Variants in SLC11A2 observed in about 807,000 individuals in gnomAD.
SLC11A2 encodes the protein solute carrier family 11 member 2.
A neutral mutation model predicts 68.0 loss-of-function variants in SLC11A2; 38 were observed. The ratio of observed to expected loss-of-function variants is 0.56; its 90% confidence interval spans 0.43 to 0.73. SLC11A2 has a LOEUF of 0.73. SLC11A2 is among the 30% of genes least tolerant of loss of function. The pLI, the probability that SLC11A2 is intolerant of heterozygous loss-of-function variation, is 0.00. For missense variants in SLC11A2, 517 were observed against 690.5 expected (o/e 0.75, Z 2.82); for synonymous variants, 242 against 250.6 (o/e 0.97, Z 0.32).
rs1293436122 is a variant in SLC11A2 at position 50,995,806 on chromosome 12, C to A, written c.832-19G>T. On this transcript the variant is annotated intron_variant, in intron 9 of 15. Transcript: ENST00000262052. ...GTCTAGACTAGAAAGATAACAACAG[C>A]AGTCACTTTTTGACCAGTTAGAACA... The A allele has an allele frequency of 1.2e-6, 2 of 1,613,138 alleles. No individual in the cohort carries two copies. The highest frequency in any genetic ancestry group is 2.2e-5 in the South Asian group (2 of 91,060).
At chr12:50,998,510 C>T (rs929959855) in intron 8 of SLC11A2, among the ~76,000 whole-genome samples, 10 of 152,144 alleles carry the variant, frequency 6.6e-5, no homozygotes, top group African/African-American at 2.4e-4. Context: ...AGAGACTCAT[C>T]CTTAAACACT....
At chr12:50,972,240 G>A in the SLC11A2 span, among the ~76,000 whole-genome samples, 8 of 152,112 alleles carry the variant, frequency 5.3e-5, no homozygotes, top group African/African-American at 1.9e-4. Flanking sequence ...TAGATTAAGA[G>A]TTTAATTAGA....
Position 51,000,358 on chromosome 12 carries a change from T to C in SLC11A2, c.491A>G (p.Glu164Gly), listed in dbSNP as rs755266194. ...GATAGCAATGGCTGAGCCAATGACT[T>C]CTTGCATGTCTGAGCCGATGATAGC... ...ELAIIGSDMQEVIGSAIAINL... is the reference protein window; with the variant it reads ...ELAIIGSDMQGVIGSAIAINL... Residue 164 changes from glutamate (E) to glycine (G), a missense_variant, in exon 6 of 16, where the codon GAA (glutamate) becomes GGA (glycine). Transcript: ENST00000262052. 3.1e-6 allele frequency: 5 copies of C among 1,614,020 alleles called. No homozygotes were observed. The highest frequency in any genetic ancestry group is 1.3e-5 in the African/African-American group (1 of 74,914).
At chr12:50,971,182 A>C in the SLC11A2 span, among the ~76,000 whole-genome samples, 1 of 147,726 alleles carries the variant, frequency 6.8e-6, no homozygotes, top group East Asian at 2.0e-4. Context: ...GCCGAGCCAC[A>C]GACTTTTTAT....
intron 1 of SLC11A2, among the ~76,000 whole-genome samples, chr12:51,014,852 CAAAATAAAAT>C (rs372719318): frequency 1.3e-5 from 2 of 150,576 alleles, no homozygotes; most frequent in East Asian, 3.9e-4. Flanking sequence ...AACTCTGTCT[CAAAATAAAAT>C]AAAATAAAAT....
At chr12:51,018,354 AC>A (rs1200274032) in intron 1 of SLC11A2, among the ~76,000 whole-genome samples, 3 of 152,136 alleles carry the variant, frequency 2.0e-5, no homozygotes, top group South Asian at 4.1e-4. Context: ...AGATCATGCC[AC>A]TGCACTCCAG....
intron 5 of SLC11A2, 158 bp from the exon 6 acceptor site, chr12:51,000,577 T>A (rs1942114565): frequency 1.5e-6 from 1 of 671,992 alleles, no homozygotes; most frequent in Non-Finnish European, 2.7e-6. Flanking sequence ...ACTTGGCCGA[T>A]CACTGCACTG....
intron 1 of SLC11A2, among the ~76,000 whole-genome samples, chr12:51,020,673 T>C (rs1338928971): frequency 6.6e-6 from 1 of 152,168 alleles, no homozygotes; most frequent in African/African-American, 2.4e-5. Flanking sequence ...CATTTGTGGT[T>C]TCAAACAACT....
chr12:50,996,632 A>C (rs1941728030), intron 9 of SLC11A2, among the ~76,000 whole-genome samples, 185 bp downstream of exon 9: 1 of 152,078 alleles, frequency 6.6e-6, no homozygotes, highest in African/African-American at 2.4e-5. Flanking sequence ...GCAGTTAGTA[A>C]TCTCTGGTCA....
At chr12:50,954,217 C>G in the SLC11A2 span, 1 of 600,100 alleles carries the variant, frequency 1.7e-6, no homozygotes, top group Non-Finnish European at 2.9e-6. Flanking sequence ...CTAACCTCCT[C>G]TAAGCATGTG....
At chr12:51,009,124 A>G in intron 2 of SLC11A2, 1 of 1,515,502 alleles carries the variant, frequency 6.6e-7, no homozygotes, top group Middle Eastern at 1.7e-4. Flanking sequence ...TACTCAAATA[A>G]TCGACCGTGG....
At chr12:50,997,816 C>T (rs752680648) in intron 8 of SLC11A2, among the ~76,000 whole-genome samples, 3 of 151,156 alleles carry the variant, frequency 2.0e-5, no homozygotes, top group African/African-American at 4.9e-5. Flanking sequence ...AGTGAAACCC[C>T]GTCTCTACGA....
the SLC11A2 span, among the ~76,000 whole-genome samples, chr12:50,959,724 T>C: frequency 0.016 from 2,422 of 152,276 alleles, 34 homozygotes; most frequent in Middle Eastern, 0.034. Flanking sequence ...CTCAGCTCAC[T>C]GCAACCTCCA....
chr12:50,993,593 A>AGG lies in SLC11A2; in HGVS notation c.1078-666_1078-665dup, dbSNP rs369091351. ...GTAATCCCAGCACTTTGGGAGGCCG[A>AGG]GGGGGGGGTGGATCACCTGAGGTCA... On this transcript the variant is annotated intron_variant, in intron 11 of 15. Transcript: ENST00000262052. 2.8e-3 allele frequency among the ~76,000 whole-genome samples: 427 copies of AGG among 150,692 alleles called. 4 individuals carry two copies. Among genetic ancestry groups the AGG allele is most frequent in the East Asian group, 9.9e-4 (5 of 5,076 alleles).
rs1270290208 is a variant in SLC11A2, at chr12:51,026,360, A to G, written c.-89T>C. 2 of 1,281,552 alleles carry G rather than the reference A, an allele frequency of 1.6e-6. No individual in the cohort carries two copies. Among genetic ancestry groups the G allele is most frequent in the East Asian group, 5.6e-5 (1 of 17,854 alleles). The allele number at this position is 1,281,552 out of a possible 1,614,324, so 79.4% of individuals were successfully genotyped here. A position where few individuals can be genotyped will look rare whatever the true frequency, so the allele number is the denominator to read the frequency against. On this transcript the variant is annotated 5_prime_UTR_variant, in exon 1 of 16. The change abolishes an upstream ATG in the 5' untranslated region. Transcript: ENST00000262052. ...ACGCCGCCCCCGCGCCCAGGGCTCC[A>G]TATTCCGGGAGCCAGCGCCACGCTG...
At chr12:50,956,002 T>C in the SLC11A2 span, among the ~76,000 whole-genome samples, 2 of 152,258 alleles carry the variant, frequency 1.3e-5, no homozygotes, top group Non-Finnish European at 2.9e-5. Context: ...GTTCTGACTT[T>C]AATCTCCAAA....
At chr12:51,004,097 CA>C (rs1942512044) in intron 5 of SLC11A2, among the ~76,000 whole-genome samples, 2 of 152,050 alleles carry the variant, frequency 1.3e-5, no homozygotes, top group Non-Finnish European at 2.9e-5. Context: ...ATAATCACAT[CA>C]GAGTAAATGG....
At chr12:50,983,163 T>C (rs1940216002), downstream of SLC11A2, among the ~76,000 whole-genome samples, 1 of 152,120 alleles carries the variant, frequency 6.6e-6, no homozygotes, top group African/African-American at 2.4e-5. Flanking sequence ...GCTAGGACTA[T>C]AGGCGTGTGC....
chr12:50,994,167 A>G (rs987576397), intron 11 of SLC11A2, among the ~76,000 whole-genome samples: 1 of 151,518 alleles, frequency 6.6e-6, no homozygotes, highest in Non-Finnish European at 1.5e-5. Flanking sequence ...CAGCCTCCTG[A>G]GTAGCTGAGA....
Sources: allele counts gnomAD v4.1 joint callset (sites outside exome capture counted in the v4.1 genomes callset), GRCh38; gene constraint gnomAD v4.1.1; transcripts MANE v1.5; gene names NCBI Gene and HGNC (gene_info 2026-07-23, HGNC 2026-07-21).